Variants in DNAH9 observed in about 807,000 individuals in gnomAD.
DNAH9 encodes DNAH9 variant protein.
In DNAH9, 345 loss-of-function variants were observed where a neutral mutation model predicts 471.6. That is an observed-to-expected ratio of 0.73 (90% CI 0.67 to 0.80). DNAH9 has a LOEUF of 0.80. Among genes scored for constraint, DNAH9 ranks in the 30% least tolerant of loss-of-function variants. The probability of loss-of-function intolerance (pLI) is 0.00; values close to 1 mark genes in which losing one functional copy is unlikely to be tolerated. For missense variants in DNAH9, 5,407 were observed against 5,609.2 expected (o/e 0.96, Z 1.15); for synonymous variants, 2,093 against 2,123.6 (o/e 0.99, Z 0.40).
At position 11,894,390 on chromosome 17, in the gene DNAH9, G is replaced by A. The variant is rs762297773; in HGVS notation, c.11300G>A (p.Arg3767Gln). The A allele has an allele frequency of 1.6e-5, 26 of 1,613,972 alleles. No individual in the cohort carries two copies. The highest frequency in any genetic ancestry group is 2.2e-5 in the South Asian group (2 of 91,068). ...QLTFQILLMN[R>Q]EVNAVELDFL... is the part of the protein sequence containing the mutation. The stretch of plus-strand genomic sequence containing the variant: ...ACATTGCAGATTCTCCTCATGAACC[G>A]AGAAGTCAATGCAGTGGAGTTGGAT... Residue 3767 changes from arginine (R) to glutamine (Q), a missense_variant, in exon 59 of 69, where the codon CGA becomes CAA. Physicochemically the swap from Arg to Gln is conservative, Grantham distance 43 (BLOSUM62 1). Around this residue, in one of 3 missense-constraint regions of DNAH9, gnomAD observed 4,636 missense variants for 4,900.3 expected, o/e 0.95. Coordinates refer to ENST00000262442, the MANE Select transcript of DNAH9 (RefSeq NM_001372.4).
chr17:11,837,900 T>A (rs192134946), intron 49 of DNAH9, among the ~76,000 whole-genome samples: 2 of 152,336 alleles, frequency 1.3e-5, no homozygotes, highest in Admixed American at 1.3e-4. Context: ...AGTGCTTGCC[T>A]CTGCATAGAA....
intron 48 of DNAH9, among the ~76,000 whole-genome samples, chr17:11,832,541 G>T (rs1170799345): frequency 6.6e-6 from 1 of 152,228 alleles, no homozygotes; most frequent in Non-Finnish European, 1.5e-5. Flanking sequence ...GTGAATGTAA[G>T]ACAAGTTCTA....
chr17:11,773,985 A>C (rs1009224990), intron 38 of DNAH9, among the ~76,000 whole-genome samples: 4 of 152,028 alleles, frequency 2.6e-5, no homozygotes, highest in Admixed American at 6.5e-5. Context: ...CAAAAAAAAA[A>C]ATTAGCCAGG....
At chr17:11,865,433 C>G (rs1972009785) in intron 50 of DNAH9, among the ~76,000 whole-genome samples, 2 of 152,132 alleles carry the variant, frequency 1.3e-5, no homozygotes, top group Non-Finnish European at 2.9e-5. Context: ...CCCGACCTTT[C>G]TCTCTGGCTG....
At chr17:11,884,186 T>A in intron 56 of DNAH9, 1 of 179,578 alleles carries the variant, frequency 5.6e-6, no homozygotes, top group South Asian at 1.2e-4. Context: ...ACAAGTCTGA[T>A]CTTAATGAGA....
chr17:11,625,209 C>A (rs2072947994), intron 6 of DNAH9, among the ~76,000 whole-genome samples: 1 of 152,178 alleles, frequency 6.6e-6, no homozygotes, highest in African/African-American at 2.4e-5. Flanking sequence ...CGAGAACTCT[C>A]ATTTCCTTTA....
At chr17:11,702,052 A>G (rs1215275466) in intron 24 of DNAH9, among the ~76,000 whole-genome samples, 4 of 152,180 alleles carry the variant, frequency 2.6e-5, no homozygotes, top group African/African-American at 9.7e-5. Context: ...AGGTCTGGGG[A>G]CACGCCCCTG....
chr17:11,650,053 CTTTCT>C (rs1240955587), intron 12 of DNAH9, among the ~76,000 whole-genome samples: 2 of 152,182 alleles, frequency 1.3e-5, no homozygotes, highest in Non-Finnish European at 2.9e-5. Context: ...AGCCCCACAT[CTTTCT>C]TTTAATTATT....
intron 32 of DNAH9, among the ~76,000 whole-genome samples, chr17:11,750,358 T>C (rs1967097574): frequency 6.6e-6 from 1 of 152,180 alleles, no homozygotes; most frequent in African/African-American, 2.4e-5. Flanking sequence ...ATCTGTTTTT[T>C]ATTTTCAAAA....
chr17:11,954,747 G>GCAA (rs1175825566), intron 67 of DNAH9, among the ~76,000 whole-genome samples: 1 of 147,736 alleles, frequency 6.8e-6, no homozygotes, highest in African/African-American at 2.5e-5. Flanking sequence ...TCCAGCCTGG[G>GCAA]CAACACGGCA....
At chr17:11,682,074 T>A (rs1321087417) in intron 19 of DNAH9, among the ~76,000 whole-genome samples, 1 of 152,154 alleles carries the variant, frequency 6.6e-6, no homozygotes, top group Non-Finnish European at 1.5e-5. Flanking sequence ...TTCTGGTTGT[T>A]GTCTGGGAGT....
At chr17:11,885,208 T>C (rs983442381) in intron 56 of DNAH9, among the ~76,000 whole-genome samples, 1 of 152,158 alleles carries the variant, frequency 6.6e-6, no homozygotes, top group African/African-American at 2.4e-5. Flanking sequence ...AAAACAGGGC[T>C]GAGGGCTGAG....
At chr17:11,759,301 G>T in intron 35 of DNAH9, among the ~76,000 whole-genome samples, 1 of 151,472 alleles carries the variant, frequency 6.6e-6, no homozygotes. Flanking sequence ...TGGAGTCTCT[G>T]GTGTTTATTA....
intron 51 of DNAH9, 35 bp downstream of exon 51, chr17:11,869,288 A>T: frequency 1.2e-6 from 2 of 1,608,598 alleles, no homozygotes. Flanking sequence ...AGCTGTAATT[A>T]TATTAGCAGG....
intron 50 of DNAH9, among the ~76,000 whole-genome samples, chr17:11,863,778 AT>A (rs1351661011): frequency 6.7e-6 from 1 of 150,036 alleles, no homozygotes. Flanking sequence ...GAATTTATCC[AT>A]TTCTTCTAGA....
chr17:11,688,215 C>T (rs1204861138), intron 19 of DNAH9, among the ~76,000 whole-genome samples: 6 of 151,122 alleles, frequency 4.0e-5, no homozygotes, highest in South Asian at 2.1e-4. Flanking sequence ...TCCAGACTTA[C>T]GAGGATTAGA....
intron 14 of DNAH9, among the ~76,000 whole-genome samples, chr17:11,658,072 T>C (rs1283277982): frequency 6.6e-6 from 1 of 152,152 alleles, no homozygotes; most frequent in Non-Finnish European, 1.5e-5. Context: ...AGATGTGATT[T>C]TGATTGAGAT....
intron 67 of DNAH9, among the ~76,000 whole-genome samples, chr17:11,950,900 A>T (rs995392888): frequency 6.6e-6 from 1 of 152,094 alleles, no homozygotes; most frequent in African/African-American, 2.4e-5. Flanking sequence ...AGCACATCCC[A>T]AACGACCAGG....
intron 50 of DNAH9, among the ~76,000 whole-genome samples, chr17:11,867,779 T>A (rs939618101): frequency 1.3e-5 from 2 of 152,240 alleles, no homozygotes; most frequent in Admixed American, 6.5e-5. Flanking sequence ...TGATGAGTTA[T>A]GCCAAGATGT....
Sources: gnomAD v4.1 joint callset for allele counts (sites outside exome capture counted in the v4.1 genomes callset) on GRCh38, gnomAD v4.1.1 for gene constraint, gnomAD v4.1.1 regional missense constraint, MANE v1.5 for transcripts, NCBI Gene and HGNC (gene_info 2026-07-23, HGNC 2026-07-21) for gene names.